CCDC18: variants seen among roughly 807,000 people sequenced by gnomAD.
CCDC18 encodes the protein coiled-coil domain containing 18, also known as coiled-coil domain-containing protein 18.
Under a neutral mutation model 196.0 loss-of-function variants are expected in CCDC18, and 157 were observed. The ratio of observed to expected loss-of-function variants is 0.80; its 90% CI spans 0.70 to 0.91. The LOEUF is 0.91. Ranked by LOEUF, CCDC18 falls within the 40% of genes least tolerant of loss-of-function variation. The probability of loss-of-function intolerance (pLI) is 0.00; values close to 1 mark genes in which losing one functional copy is unlikely to be tolerated. For missense variants in CCDC18, 1,465 were observed against 1,611.6 expected (o/e 0.91, Z 1.56); for synonymous variants, 482 against 529.2 (o/e 0.91, Z 1.22).
chr1:93,180,046 G>A (rs1291656348), upstream of CCDC18: 1 of 1,611,014 alleles, frequency 6.2e-7, no homozygotes, highest in Non-Finnish European at 8.5e-7. Context: ...TTTATCCTCC[G>A]CACTTACTTG....
At chr1:93,264,058 C>A (rs1570630763) in intron 26 of CCDC18, among the ~76,000 whole-genome samples, 1 of 152,038 alleles carries the variant, frequency 6.6e-6, no homozygotes, top group East Asian at 1.9e-4. Context: ...AATTACAATT[C>A]TTATGATTAT....
chr1:93,211,492 A>G (rs927108110), intron 10 of CCDC18, among the ~76,000 whole-genome samples: 3 of 152,180 alleles, frequency 2.0e-5, no homozygotes, highest in African/African-American at 7.2e-5. Context: ...GATCCTTATG[A>G]CTAGTCCCAT....
intron 19 of CCDC18, among the ~76,000 whole-genome samples, chr1:93,236,824 T>C (rs547182400): frequency 1.0e-3 from 152 of 152,272 alleles, no homozygotes; most frequent in African/African-American, 3.6e-3. Context: ...TGAGTGAATA[T>C]TAAAATCACC....
upstream of CCDC18, chr1:93,180,704 G>A: frequency 7.4e-7 from 1 of 1,357,054 alleles, no homozygotes; most frequent in Non-Finnish European, 9.8e-7. Flanking sequence ...GGGTAGGCGC[G>A]TCCCAACGGC....
chr1:93,219,318 C>T (rs1345475905), intron 14 of CCDC18, among the ~76,000 whole-genome samples: 2 of 152,110 alleles, frequency 1.3e-5, no homozygotes, highest in Non-Finnish European at 2.9e-5. Context: ...GCAACCTCAG[C>T]ATGCAGTTTT....
At chr1:93,202,041 C>CCTTT in intron 7 of CCDC18, 53 bp downstream of exon 7, 3 of 993,172 alleles carry the variant, frequency 3.0e-6, no homozygotes, top group African/African-American at 1.6e-5. Flanking sequence ...TATATTCCAA[C>CCTTT]AGTAAAGGTA....
At chr1:93,268,159 A>C (rs1359746683) in intron 27 of CCDC18, among the ~76,000 whole-genome samples, 1 of 152,220 alleles carries the variant, frequency 6.6e-6, no homozygotes, top group Non-Finnish European at 1.5e-5. Context: ...AAACCTGACA[A>C]AAACAAGAAA....
At chr1:93,231,591 T>C (rs1316050796) in intron 17 of CCDC18, among the ~76,000 whole-genome samples, 4 of 152,322 alleles carry the variant, frequency 2.6e-5, no homozygotes, top group African/African-American at 9.6e-5. Flanking sequence ...AAATAATTTC[T>C]GCTGGCATAT....
chr1:93,262,935 T>C (rs1388682057), intron 26 of CCDC18, among the ~76,000 whole-genome samples: 1 of 152,090 alleles, frequency 6.6e-6, no homozygotes, highest in African/African-American at 2.4e-5. Context: ...AGCTCAACTC[T>C]TGTCTTCTGT....
chr1:93,188,700 A>G (rs1321609383), intron 4 of CCDC18, among the ~76,000 whole-genome samples: 2 of 151,968 alleles, frequency 1.3e-5, no homozygotes, highest in Non-Finnish European at 2.9e-5. Flanking sequence ...GGACCTTCCC[A>G]TTCTGGTGTT....
intron 28 of CCDC18, among the ~76,000 whole-genome samples, chr1:93,275,051 T>C (rs1380870031): frequency 6.6e-6 from 1 of 152,224 alleles, no homozygotes; most frequent in African/African-American, 2.4e-5. Flanking sequence ...CACCTCATAG[T>C]CATTTATATG....
intron 11 of CCDC18, among the ~76,000 whole-genome samples, chr1:93,212,641 G>C (rs2102018501): frequency 6.6e-6 from 1 of 152,268 alleles, no homozygotes; most frequent in Admixed American, 6.5e-5. Flanking sequence ...GTTGTGGTCT[G>C]ATAAGACAGC....
rs552111281 is a variant in CCDC18 at position 93,251,472 on chromosome 1, A to C, written c.3199-2999A>C. On this transcript the variant is annotated intron_variant, in intron 23 of 28. Coordinates refer to ENST00000690025, the MANE Select transcript of CCDC18 (RefSeq NM_001378204.1). ...TTAGCATTTCTTGTAGGACAGGTCTAGTAGCGACAAATTTCCTCAGCTTTT... is the reference window on the plus strand; with the variant it reads ...TTAGCATTTCTTGTAGGACAGGTCTCGTAGCGACAAATTTCCTCAGCTTTT... Among the ~76,000 whole-genome samples, 3 of 152,288 alleles carry C rather than the reference A, an allele frequency of 2.0e-5. No individual in the cohort carries two copies. The East Asian group carries it at 5.8e-4, about 29-fold the overall frequency.
At position 93,239,352 on chromosome 1, in the gene CCDC18, TA is replaced by T. The variant is rs781154904; in HGVS notation, c.2650del (p.Met884TrpfsTer5). On this transcript the variant is annotated frameshift_variant, in exon 20 of 29. Transcript: ENST00000690025. LOFTEE classifies it high-confidence loss of function. ...TGGATCAGTACAAAGAAGAGCTGTC[TA>T]AAATGGAAAAGGAAATAATGCACCT... Reference protein sequence around the residue: ...EMDQYKEELSKMEKEIMHLKR... With the variant: ...EMDQYKEELSXMEKEIMHLKR... 3.0e-5 allele frequency: 49 copies of T among 1,613,048 alleles called. No homozygotes were observed. Among genetic ancestry groups the T allele is most frequent in the Non-Finnish European group, 3.6e-5 (43 of 1,179,458 alleles).
chr1:93,179,961 G>A, upstream of CCDC18: 1 of 1,369,774 alleles, frequency 7.3e-7, no homozygotes, highest in Non-Finnish European at 9.9e-7. Flanking sequence ...TTCACCACCA[G>A]GGCCGTCCAC....
chr1:93,181,481 A>C (rs940643640), intron 1 of CCDC18, among the ~76,000 whole-genome samples: 1 of 152,314 alleles, frequency 6.6e-6, no homozygotes. Flanking sequence ...ATGCATAGTC[A>C]GTGAAGATAG....
chr1:93,190,130 A>G (rs1036191199), intron 4 of CCDC18, among the ~76,000 whole-genome samples: 2 of 152,084 alleles, frequency 1.3e-5, no homozygotes, highest in Non-Finnish European at 2.9e-5. Flanking sequence ...CTGAAGATTT[A>G]ATGATTTTTT....
intron 27 of CCDC18, among the ~76,000 whole-genome samples, chr1:93,268,162 A>G (rs1664763735): frequency 6.6e-6 from 1 of 152,354 alleles, no homozygotes; most frequent in East Asian, 1.9e-4. Flanking sequence ...CCTGACAAAA[A>G]CAAGAAATGG....
chr1:93,268,716 C>T (rs1018207318), intron 27 of CCDC18, among the ~76,000 whole-genome samples: 5 of 151,968 alleles, frequency 3.3e-5, no homozygotes, highest in Non-Finnish European at 7.4e-5. Flanking sequence ...CAAATCAAAA[C>T]CACAATGAGA....
Sources: gnomAD v4.1 joint callset for allele counts (sites outside exome capture counted in the v4.1 genomes callset) on GRCh38, gnomAD v4.1.1 for gene constraint, MANE v1.5 for transcripts, NCBI Gene and HGNC (gene_info 2026-07-23, HGNC 2026-07-21) for gene names.